TMTC1: variants seen among roughly 807,000 people sequenced by gnomAD.
TMTC1 encodes protein O-mannosyl-transferase TMTC1.
A neutral mutation model predicts 104.8 loss-of-function variants in TMTC1; 73 were observed. The ratio of observed to expected loss-of-function variants is 0.70; its 90% confidence interval spans 0.58 to 0.85. The LOEUF is 0.85. TMTC1 is among the 40% of genes least tolerant of loss of function. TMTC1 has a pLI of 0.00. For missense variants in TMTC1, 1,035 were observed against 1,096.1 expected (o/e 0.94, Z 0.79); for synonymous variants, 434 against 428.7 (o/e 1.01, Z -0.15).
At chr12:29,621,809 G>A (rs971910413) in intron 6 of TMTC1, among the ~76,000 whole-genome samples, 2 of 152,140 alleles carry the variant, frequency 1.3e-5, no homozygotes, top group African/African-American at 4.8e-5. Flanking sequence ...GAACAGGCAT[G>A]AAGGGAGATC....
rs188706808 is a variant in TMTC1 at position 29,528,756 on chromosome 12, T to C, written c.1785+7453A>G. On this transcript the variant is annotated intron_variant, in intron 11 of 17. Transcript: ENST00000539277. ...AATGCCTTTGAACTCTAAAAGTTAC[T>C]GAGAATTCCAAAGAACTTTCCATTT... Among the ~76,000 whole-genome samples the C allele has an allele frequency of 1.5e-4, 23 of 152,318 alleles. No homozygotes were observed. The East Asian group carries it at 4.2e-3, about 28-fold the overall frequency.
At chr12:29,696,363 C>T (rs1019692554) in intron 5 of TMTC1, among the ~76,000 whole-genome samples, 4 of 152,240 alleles carry the variant, frequency 2.6e-5, no homozygotes, top group African/African-American at 4.8e-5. Context: ...ACGGAAAAGA[C>T]TAACAGGTTT....
intron 5 of TMTC1, among the ~76,000 whole-genome samples, chr12:29,716,590 T>C (rs560205000): frequency 1.1e-4 from 17 of 152,164 alleles, no homozygotes; most frequent in Non-Finnish European, 2.1e-4. Context: ...AATTTATTTA[T>C]AGATTTTTTT....
chr12:29,779,468 A>AT (rs35065607), intron 1 of TMTC1, among the ~76,000 whole-genome samples: 10,047 of 152,226 alleles, frequency 0.066, 397 homozygotes, highest in South Asian at 0.13. Flanking sequence ...CCATTTCCTC[A>AT]TTTCAAATTT....
chr12:29,779,489 C>T (rs1297867538), intron 1 of TMTC1, among the ~76,000 whole-genome samples: 1 of 152,154 alleles, frequency 6.6e-6, no homozygotes, highest in African/African-American at 2.4e-5. Flanking sequence ...TAGTTCATTT[C>T]TTACTTGAAA....
chr12:29,652,024 C>T (rs147157431), intron 5 of TMTC1, among the ~76,000 whole-genome samples: 271 of 152,194 alleles, frequency 1.8e-3, no homozygotes, highest in Middle Eastern at 0.017. Flanking sequence ...TGCTTTTTGT[C>T]TCCAGATTTC....
intron 5 of TMTC1, among the ~76,000 whole-genome samples, chr12:29,723,097 G>C (rs1942284691): frequency 6.6e-6 from 1 of 151,856 alleles, no homozygotes; most frequent in Admixed American, 6.6e-5. Context: ...AAAAAATAAG[G>C]AGTCTAAGAA....
chr12:29,714,331 A>G (rs1942018666), intron 5 of TMTC1, among the ~76,000 whole-genome samples: 2 of 152,228 alleles, frequency 1.3e-5, no homozygotes, highest in South Asian at 4.1e-4. Context: ...TGCTTTATGC[A>G]TATTGCCTGT....
At chr12:29,620,525 C>T (rs147297388) in intron 6 of TMTC1, among the ~76,000 whole-genome samples, 2 of 152,282 alleles carry the variant, frequency 1.3e-5, no homozygotes, top group East Asian at 1.9e-4. Context: ...AAGTCTGATA[C>T]AGTATGTATC....
rs1271625251 is a variant in TMTC1 at position 29,767,898 on chromosome 12, C to T, written c.480G>A (p.Ala160=). ...LFAVHPIHTE[A]VAGIVGRADV... ...TTCACTGAGATCCAATTACACTTAC[C>T]GCCTCAGTATGAATAGGATGTACAG... The change falls in exon 2 of 18, where the codon GCG becomes GCA. Residue 160 remains alanine (A), a splice_region_variant and synonymous_variant. Transcript: ENST00000539277. 79 of 1,612,996 alleles carry T rather than the reference C, an allele frequency of 4.9e-5. No homozygotes were observed. The highest frequency in any genetic ancestry group is 1.6e-4 in the Middle Eastern group (1 of 6,076).
chr12:29,751,516 G>A, intron 5 of TMTC1, 150 bp downstream of exon 5: 1 of 786,794 alleles, frequency 1.3e-6, no homozygotes, highest in Non-Finnish European at 2.1e-6. Flanking sequence ...AGGGAAATAG[G>A]GACAGGAAGA....
intron 5 of TMTC1, among the ~76,000 whole-genome samples, chr12:29,678,384 G>T (rs1207847947): frequency 6.6e-6 from 1 of 152,180 alleles, no homozygotes; most frequent in East Asian, 1.9e-4. Context: ...GAAGGTAAGT[G>T]GACGTGACAG....
intron 2 of TMTC1, among the ~76,000 whole-genome samples, chr12:29,759,804 A>G (rs920675676): frequency 1.3e-5 from 2 of 152,322 alleles, no homozygotes; most frequent in Non-Finnish European, 2.9e-5. Context: ...AAAAGGTCAT[A>G]GAAGCCAGGA....
intron 5 of TMTC1, among the ~76,000 whole-genome samples, chr12:29,688,635 AG>A (rs1429332993): frequency 6.6e-6 from 1 of 152,186 alleles, no homozygotes; most frequent in Non-Finnish European, 1.5e-5. Flanking sequence ...CTAATGCCTG[AG>A]TTATGTGATA....
At chr12:29,578,824 A>C (rs1945896028) in intron 8 of TMTC1, among the ~76,000 whole-genome samples, 1 of 152,212 alleles carries the variant, frequency 6.6e-6, no homozygotes, top group Non-Finnish European at 1.5e-5. Context: ...GTTAGCAAAA[A>C]GGAAAGGAAG....
chr12:29,599,334 G>C (rs976679993), intron 7 of TMTC1, among the ~76,000 whole-genome samples: 7 of 152,168 alleles, frequency 4.6e-5, no homozygotes, highest in African/African-American at 1.4e-4. Context: ...AACTGGCTTT[G>C]TCACCAGAAG....
At chr12:29,747,762 T>C (rs302329) in intron 5 of TMTC1, among the ~76,000 whole-genome samples, 50,926 of 152,062 alleles carry the variant, frequency 0.33, 8,572 homozygotes, top group Non-Finnish European at 0.37. Context: ...TGAGTGGCCA[T>C]GGTATGCCAG....
At chr12:29,681,167 A>G (rs1940907147) in intron 5 of TMTC1, among the ~76,000 whole-genome samples, 1 of 152,074 alleles carries the variant, frequency 6.6e-6, no homozygotes, top group Non-Finnish European at 1.5e-5. Flanking sequence ...TGACAACTGA[A>G]GTCATATAAA....
At chr12:29,559,442 CTCTTT>C (rs1195114180) in intron 9 of TMTC1, among the ~76,000 whole-genome samples, 1 of 152,212 alleles carries the variant, frequency 6.6e-6, no homozygotes, top group Non-Finnish European at 1.5e-5. Flanking sequence ...CTTTCTCTTT[CTCTTT>C]TGTTTCCTTC....
Sources: allele counts gnomAD v4.1 joint callset (sites outside exome capture counted in the v4.1 genomes callset), GRCh38; gene constraint gnomAD v4.1.1; transcripts MANE v1.5; gene names NCBI Gene and HGNC (gene_info 2026-07-23, HGNC 2026-07-21).